GPATCH2: variants seen among roughly 807,000 people sequenced by gnomAD.
GPATCH2 encodes the protein G patch domain-containing protein 2.
Under a neutral mutation model 58.0 loss-of-function variants are expected in GPATCH2, and 51 were observed. The ratio of observed to expected loss-of-function variants is 0.88; its 90% confidence interval spans 0.70 to 1.11. The LOEUF (loss-of-function observed/expected upper bound fraction) is 1.11. GPATCH2 is among the 50% of genes most tolerant of loss of function. GPATCH2 has a pLI of 0.00. For missense variants in GPATCH2, 625 were observed against 652.2 expected, an observed-to-expected ratio of 0.96 and a Z score of 0.45; for synonymous variants, 222 against 218.5, an observed-to-expected ratio of 1.02 and a Z score of -0.14.
intron 5 of GPATCH2, among the ~76,000 whole-genome samples, chr1:217,597,510 TA>T (rs983073870): frequency 4.6e-5 from 7 of 152,142 alleles, no homozygotes; most frequent in African/African-American, 1.7e-4. Flanking sequence ...AGGCTCTAGA[TA>T]CCTCTTAAAC....
intron 8 of GPATCH2, among the ~76,000 whole-genome samples, chr1:217,489,948 C>G (rs541624764): frequency 6.6e-6 from 1 of 152,322 alleles, no homozygotes; most frequent in Non-Finnish European, 1.5e-5. Flanking sequence ...ACAATTATCA[C>G]TTTATAGAAG....
At chr1:217,603,703 A>T (rs1177094512) in intron 5 of GPATCH2, among the ~76,000 whole-genome samples, 1 of 151,812 alleles carries the variant, frequency 6.6e-6, no homozygotes, top group Non-Finnish European at 1.5e-5. Flanking sequence ...GCTCACTGCA[A>T]CCTCCACTTC....
At chr1:217,524,247 C>T (rs1663684511) in intron 5 of GPATCH2, among the ~76,000 whole-genome samples, 1 of 125,234 alleles carries the variant, frequency 8.0e-6, no homozygotes, top group South Asian at 2.6e-4. Flanking sequence ...AGAGGGTCTC[C>T]TCACTTCTCA....
At chr1:217,502,211 C>T (rs1169625881) in intron 6 of GPATCH2, among the ~76,000 whole-genome samples, 1 of 151,992 alleles carries the variant, frequency 6.6e-6, no homozygotes, top group African/African-American at 2.4e-5. Context: ...AATTCCTTTG[C>T]TTTTCCATAT....
intron 7 of GPATCH2, among the ~76,000 whole-genome samples, chr1:217,493,481 CTG>C (rs1045599463): frequency 7.2e-5 from 11 of 152,120 alleles, no homozygotes; most frequent in African/African-American, 2.7e-4. Context: ...GGTTCATGCA[CTG>C]TGTCTGGAGC....
intron 5 of GPATCH2, among the ~76,000 whole-genome samples, chr1:217,515,775 A>C (rs923795130): frequency 6.9e-6 from 1 of 144,412 alleles, no homozygotes; most frequent in African/African-American, 2.5e-5. Flanking sequence ...CTTTAAAAAA[A>C]AAAAAGACCA....
intron 8 of GPATCH2, among the ~76,000 whole-genome samples, chr1:217,469,617 A>T (rs2102499859): frequency 6.6e-6 from 1 of 152,236 alleles, no homozygotes; most frequent in East Asian, 1.9e-4. Flanking sequence ...ATCTAAAATG[A>T]GTGATAGCCA....
intron 5 of GPATCH2, among the ~76,000 whole-genome samples, chr1:217,579,884 T>G (rs1666979679): frequency 6.6e-6 from 1 of 152,172 alleles, no homozygotes; most frequent in Admixed American, 6.5e-5. Flanking sequence ...TCCTTTAATC[T>G]CAGTGACTGT....
chr1:217,494,416 G>GTGTT (rs921469474), intron 7 of GPATCH2, among the ~76,000 whole-genome samples: 9 of 152,298 alleles, frequency 5.9e-5, no homozygotes, highest in African/African-American at 2.2e-4. Context: ...TTAATCTAAG[G>GTGTT]TGTTACTTGA....
At chr1:217,582,786 A>G (rs1667134800) in intron 5 of GPATCH2, among the ~76,000 whole-genome samples, 1 of 152,208 alleles carries the variant, frequency 6.6e-6, no homozygotes, top group Admixed American at 6.5e-5. Context: ...AATGATTTGA[A>G]TATCTGATTT....
At chr1:217,551,499 C>T (rs1665357739) in intron 5 of GPATCH2, among the ~76,000 whole-genome samples, 1 of 152,080 alleles carries the variant, frequency 6.6e-6, no homozygotes, top group Admixed American at 6.6e-5. Flanking sequence ...CAGTTGAATA[C>T]CACCCACCGC....
intron 6 of GPATCH2, among the ~76,000 whole-genome samples, chr1:217,505,338 G>A (rs1257239283): frequency 6.6e-6 from 1 of 152,182 alleles, no homozygotes; most frequent in African/African-American, 2.4e-5. Flanking sequence ...CAGTAGAGCA[G>A]TTGTGGTTGG....
At chr1:217,433,380 A>ATT (rs1658644653) in intron 9 of GPATCH2, among the ~76,000 whole-genome samples, 4 of 51,086 alleles carry the variant, frequency 7.8e-5, no homozygotes, top group East Asian at 2.6e-4. Context: ...ATATATATAT[A>ATT]TATATTTATT....
rs369105028 is a variant in GPATCH2, at chr1:217,444,875, G to C, written c.1366+4374C>G. Among the ~76,000 whole-genome samples the C allele has an allele frequency of 1.9e-4, 29 of 152,226 alleles. No homozygotes were observed. In the South Asian group the frequency reaches 5.6e-3, roughly 29 times the overall value. ...AAATAAAATCTAGTACCTTGAAAAGGAGCTTGGTTGCACCACACATTTCTG... is the reference window on the plus strand; with the variant it reads ...AAATAAAATCTAGTACCTTGAAAAGCAGCTTGGTTGCACCACACATTTCTG... On this transcript the variant is annotated intron_variant, in intron 9 of 9. Transcript: ENST00000366935.
intron 8 of GPATCH2, among the ~76,000 whole-genome samples, chr1:217,452,866 C>A (rs541690951): frequency 2.8e-4 from 43 of 152,274 alleles, no homozygotes; most frequent in African/African-American, 9.4e-4. Context: ...AGAAAAACAG[C>A]TAGCTGTATA....
chr1:217,543,240 A>G (rs186722669), intron 5 of GPATCH2, among the ~76,000 whole-genome samples: 339 of 151,470 alleles, frequency 2.2e-3, no homozygotes, highest in Non-Finnish European at 3.4e-3. Flanking sequence ...CTCAGAGGCT[A>G]CATCATTGAA....
chr1:217,524,737 T>C (rs1156450880), intron 5 of GPATCH2, among the ~76,000 whole-genome samples: 2 of 149,562 alleles, frequency 1.3e-5, no homozygotes, highest in Admixed American at 6.7e-5. Context: ...AGCGCGCACC[T>C]GCAATTGCAG....
chr1:217,475,399 A>G (rs1339552797), intron 8 of GPATCH2, among the ~76,000 whole-genome samples: 2 of 152,180 alleles, frequency 1.3e-5, no homozygotes, highest in Admixed American at 6.5e-5. Flanking sequence ...AAATTGTGCC[A>G]CTGCACTCCA....
intron 5 of GPATCH2, among the ~76,000 whole-genome samples, chr1:217,529,964 T>A (rs1664107691): frequency 6.6e-6 from 1 of 152,164 alleles, no homozygotes; most frequent in Admixed American, 6.5e-5. Flanking sequence ...AGTTTAAGCT[T>A]TTTCACTGTT....
Sources: allele counts gnomAD v4.1 joint callset (sites outside exome capture counted in the v4.1 genomes callset), GRCh38; gene constraint gnomAD v4.1.1; transcripts MANE v1.5; gene names NCBI Gene and HGNC (gene_info 2026-07-23, HGNC 2026-07-21).